TMA16: variants seen among roughly 807,000 people sequenced by gnomAD.
The protein encoded by TMA16 is translation machinery associated 16 homolog.
Under a neutral mutation model 27.1 loss-of-function variants are expected in TMA16, and 26 were observed. The observed-to-expected ratio is 0.96, with a 90% CI of 0.70 to 1.33. TMA16 has a LOEUF of 1.33. Ranked by LOEUF, TMA16 falls within the 40% of genes most tolerant of loss-of-function variation. The pLI, the probability that TMA16 is intolerant of heterozygous loss-of-function variation, is 0.00. For missense variants in TMA16, 233 were observed against 241.4 expected (o/e 0.97, Z 0.23); for synonymous variants, 71 against 81.9 (o/e 0.87, Z 0.72).
At chr4:163,517,199 G>A (rs1280367139) in intron 5 of TMA16, 7 of 489,720 alleles carry the variant, frequency 1.4e-5, no homozygotes, top group Non-Finnish European at 2.5e-5. Context: ...ACCGCGCCTG[G>A]CCTAATAGCT....
intron 2 of TMA16, among the ~76,000 whole-genome samples, chr4:163,509,523 C>A (rs28620372): frequency 0.012 from 1,877 of 152,292 alleles, 35 homozygotes; most frequent in African/African-American, 0.043. Flanking sequence ...GCATCTTTCA[C>A]AAGCCTGCAG....
chr4:163,498,701 G>A (rs1737601236), intron 1 of TMA16, among the ~76,000 whole-genome samples: 1 of 152,022 alleles, frequency 6.6e-6, no homozygotes. Context: ...GTCTCACTCT[G>A]TCACCTAGCG....
chr4:163,508,587 T>G (rs1737749311), intron 2 of TMA16, among the ~76,000 whole-genome samples: 1 of 152,164 alleles, frequency 6.6e-6, no homozygotes, highest in African/African-American at 2.4e-5. Context: ...AACCCACACT[T>G]TTGTCCTTAA....
chr4:163,506,429 A>T (rs1009054764), intron 1 of TMA16, among the ~76,000 whole-genome samples: 75 of 152,326 alleles, frequency 4.9e-4, no homozygotes, highest in African/African-American at 1.7e-3. Context: ...AAGAAACCTG[A>T]GATGTCTAGT....
At chr4:163,495,326 A>C (rs1403975906) in intron 1 of TMA16, among the ~76,000 whole-genome samples, 1 of 152,184 alleles carries the variant, frequency 6.6e-6, no homozygotes, top group African/African-American at 2.4e-5. Context: ...GTAGATACAA[A>C]AGAGTGTTAC....
At chr4:163,510,393 C>T (rs71614770) in intron 2 of TMA16, among the ~76,000 whole-genome samples, 12 of 152,210 alleles carry the variant, frequency 7.9e-5, no homozygotes, top group Admixed American at 7.2e-4. Context: ...TCCTCACCCT[C>T]TACCCCTAGC....
At chr4:163,498,901 A>G (rs953913613) in intron 1 of TMA16, among the ~76,000 whole-genome samples, 1 of 151,916 alleles carries the variant, frequency 6.6e-6, no homozygotes, top group African/African-American at 2.4e-5. Flanking sequence ...CAAATGATCT[A>G]CTCACTTTTG....
chr4:163,507,637 T>C (rs1466685298), intron 2 of TMA16, among the ~76,000 whole-genome samples: 2 of 151,994 alleles, frequency 1.3e-5, no homozygotes, highest in African/African-American at 4.8e-5. Context: ...TTTCAAGCCG[T>C]GAGACTGGAT....
chr4:163,517,380 A>G, intron 5 of TMA16, 54 bp from the exon 6 acceptor site: 1 of 1,479,964 alleles, frequency 6.8e-7, no homozygotes, highest in Non-Finnish European at 9.4e-7. Context: ...TGTACATAAA[A>G]TTATGTGATT....
chr4:163,520,153 C>T lies in TMA16; in HGVS notation c.*639C>T, dbSNP rs372451224. 478 of 400,870 alleles carry T rather than the reference C, an allele frequency of 1.2e-3. 5 individuals are homozygous for T. Among genetic ancestry groups the T allele is most frequent in the South Asian group, 5.7e-3 (165 of 28,754 alleles). 24.8% of individuals were successfully genotyped at this position (400,870 alleles called of 1,614,324 possible). A position where few individuals can be genotyped will look rare whatever the true frequency, so the allele number is the denominator to read the frequency against. On this transcript the variant is annotated 3_prime_UTR_variant, in exon 7 of 7. Coordinates refer to ENST00000358572, the MANE Select transcript of TMA16 (RefSeq NM_018352.3). ...AAGGGGATAAAGAGTTTCAGTTTAG[C>T]TCCTTTTGATTGTATATTATTTTTT...
chr4:163,501,648 CAAGT>C (rs1420371955), intron 1 of TMA16, among the ~76,000 whole-genome samples: 1 of 152,154 alleles, frequency 6.6e-6, no homozygotes, highest in Admixed American at 6.5e-5. Context: ...TACAGTGATG[CAAGT>C]GTTTGTTGAC....
chr4:163,504,041 A>G (rs1162946594), intron 1 of TMA16, among the ~76,000 whole-genome samples: 1 of 152,174 alleles, frequency 6.6e-6, no homozygotes, highest in Non-Finnish European at 1.5e-5. Context: ...GGACGTTTTT[A>G]TATTCAAGGG....
chr4:163,494,792 G>A lies in TMA16; in HGVS notation c.-10G>A, dbSNP rs1162682261. On this transcript the variant is annotated 5_prime_UTR_variant, in exon 1 of 7. Transcript: ENST00000358572. Reference sequence around the variant, plus strand: ...GTGCGGAGCTGCTCCGTGGCCACGAGGACGTCACCATGGTGGGCCCCCTCC... The same window carrying A: ...GTGCGGAGCTGCTCCGTGGCCACGAAGACGTCACCATGGTGGGCCCCCTCC... 2 of 1,612,698 alleles carry A rather than the reference G, an allele frequency of 1.2e-6. No individual in the cohort carries two copies. Among genetic ancestry groups the A allele is most frequent in the Non-Finnish European group, 1.7e-6 (2 of 1,180,034 alleles).
At chr4:163,510,305 T>C (rs960533448) in intron 2 of TMA16, among the ~76,000 whole-genome samples, 1 of 152,230 alleles carries the variant, frequency 6.6e-6, no homozygotes, top group Non-Finnish European at 1.5e-5. Context: ...TTGTATACAT[T>C]GGTGTAGCCA....
chr4:163,514,172 A>G lies in TMA16; in HGVS notation c.239+14A>G, dbSNP rs768222870. ...ACTAATTGAAAGGTAAACACTGGGC[A>G]TATTATGAGCAAAGGGTCAGAAAAG... On this transcript the variant is annotated intron_variant, in intron 4 of 6. Transcript: ENST00000358572. 8.2e-6 allele frequency: 13 copies of G among 1,587,520 alleles called. No individual in the cohort carries two copies. Among genetic ancestry groups the G allele is most frequent in the Non-Finnish European group, 1.1e-5 (13 of 1,165,052 alleles).
At chr4:163,495,746 A>G (rs923159586) in intron 1 of TMA16, among the ~76,000 whole-genome samples, 2 of 151,602 alleles carry the variant, frequency 1.3e-5, no homozygotes, top group Non-Finnish European at 2.9e-5. Flanking sequence ...TTCTCTTTTC[A>G]TTGTATGCCA....
At chr4:163,499,091 A>AT (rs1737608083) in intron 1 of TMA16, among the ~76,000 whole-genome samples, 1 of 152,234 alleles carries the variant, frequency 6.6e-6, no homozygotes, top group Non-Finnish European at 1.5e-5. Context: ...AATATTACAC[A>AT]TTAATAATTC....
chr4:163,499,644 C>T lies in TMA16; in HGVS notation c.3+4840C>T, dbSNP rs10024783. On this transcript the variant is annotated intron_variant, in intron 1 of 6. Transcript: ENST00000358572. ...TTTGCGTGTAGCCTGTGCATATTCT[C>T]CTGTATACTTTAAGTCATACTTAAC... is the stretch of plus-strand genomic sequence containing the variant. Among the ~76,000 whole-genome samples the T allele has an allele frequency of 6.0e-3, 907 of 152,150 alleles. 4 individuals carry two copies. The highest frequency in any genetic ancestry group is 0.021 in the African/African-American group (856 of 41,540).
Position 163,518,195 on chromosome 4 carries a change from C to G in TMA16, c.431+719C>G, listed in dbSNP as rs373847829. Among the ~76,000 whole-genome samples the G allele has an allele frequency of 3.8e-4, 58 of 152,148 alleles. No individual in the cohort carries two copies. In the South Asian group the frequency reaches 0.011, roughly 30 times the overall value. On this transcript the variant is annotated intron_variant, in intron 6 of 6. Coordinates refer to ENST00000358572, the MANE Select transcript of TMA16 (RefSeq NM_018352.3). Reference sequence around the variant, plus strand: ...TCCCTTGTTTATGACCTTGTGTACCCAATGTTTAGCTCCTACTTATAAGTG... The same window carrying G: ...TCCCTTGTTTATGACCTTGTGTACCGAATGTTTAGCTCCTACTTATAAGTG...
Sources: allele counts gnomAD v4.1 joint callset (sites outside exome capture counted in the v4.1 genomes callset), GRCh38; gene constraint gnomAD v4.1.1; transcripts MANE v1.5; gene names NCBI Gene and HGNC (gene_info 2026-07-23, HGNC 2026-07-21).